Variants in SHCBP1L observed in about 807,000 individuals in gnomAD.
SHCBP1L encodes SHC binding and spindle associated 1 like.
Under a neutral mutation model 62.5 loss-of-function variants are expected in SHCBP1L, and 67 were observed. The observed-to-expected ratio is 1.07, with a 90% CI of 0.88 to 1.31. The LOEUF is 1.31. Ranked by LOEUF, SHCBP1L falls within the 40% of genes most tolerant of loss-of-function variation. The pLI is 0.00. For missense variants in SHCBP1L, 823 were observed against 809.8 expected, an observed-to-expected ratio of 1.02 and a Z score of -0.20; for synonymous variants, 284 against 289.4, an observed-to-expected ratio of 0.98 and a Z score of 0.19.
At chr1:182,934,973 G>T (rs1260050156) in intron 5 of SHCBP1L, among the ~76,000 whole-genome samples, 1 of 151,958 alleles carries the variant, frequency 6.6e-6, no homozygotes, top group African/African-American at 2.4e-5. Flanking sequence ...TCTATGTGTG[G>T]ATCTTATGGA....
intron 6 of SHCBP1L, among the ~76,000 whole-genome samples, chr1:182,913,289 G>T (rs1650247287): frequency 1.3e-5 from 2 of 152,202 alleles, no homozygotes; most frequent in South Asian, 4.1e-4. Flanking sequence ...CTAGACTTGT[G>T]ACTGGTGTCT....
rs1228003168 is a variant in SHCBP1L at position 182,924,790 on chromosome 1, G to GAA, written c.1182+4856_1182+4857insTT. The stretch of plus-strand genomic sequence containing the variant: ...AAAGAAAGAAAGAAAGAAAGAAAGA[G>GAA]AGAAAGAAAGGAAGGAAGGAAGGAG... On this transcript the variant is annotated intron_variant, in intron 6 of 9. Transcript: ENST00000367547. Among the ~76,000 whole-genome samples, 224 of 73,324 alleles carry GAA rather than the reference G, an allele frequency of 3.1e-3. 13 individuals carry two copies. The highest frequency in any genetic ancestry group is 0.02 in the Middle Eastern group (2 of 102). 48.1% of individuals were successfully genotyped at this position (73,324 alleles called of 152,430 possible). A position where few individuals can be genotyped will look rare whatever the true frequency, so the allele number is the denominator to read the frequency against.
At chr1:182,902,076 T>C (rs1649860638) in intron 9 of SHCBP1L, among the ~76,000 whole-genome samples, 1 of 149,286 alleles carries the variant, frequency 6.7e-6, no homozygotes, top group African/African-American at 2.5e-5. Context: ...TTTTTTTTTT[T>C]TTGAGACAGA....
intron 5 of SHCBP1L, among the ~76,000 whole-genome samples, chr1:182,937,371 G>A (rs1401626226): frequency 6.6e-6 from 1 of 152,132 alleles, no homozygotes; most frequent in East Asian, 1.9e-4. Flanking sequence ...TATTTTCATA[G>A]TTCCTTCTGA....
At chr1:182,913,007 C>T (rs1309766668) in intron 6 of SHCBP1L, among the ~76,000 whole-genome samples, 8 of 151,570 alleles carry the variant, frequency 5.3e-5, no homozygotes, top group South Asian at 2.1e-4. Context: ...TGGTGGTGTG[C>T]GCCTGTAATC....
chr1:182,902,005 T>G (rs1050018061), intron 9 of SHCBP1L, among the ~76,000 whole-genome samples: 1 of 152,146 alleles, frequency 6.6e-6, no homozygotes, highest in Admixed American at 6.5e-5. Context: ...AATCAAAGAT[T>G]TTAAAACTGC....
chr1:182,952,970 C>G lies in SHCBP1L; in HGVS notation c.164G>C (p.Arg55Pro), dbSNP rs1376832224. The G allele has an allele frequency of 1.3e-6, 2 of 1,543,894 alleles. No individual in the cohort carries two copies. The highest frequency in any genetic ancestry group is 1.4e-5 in the African/African-American group (1 of 72,994). The change falls in exon 1 of 10, where the codon CGC becomes CCC. Residue 55 changes from arginine (R) to proline (P), a missense_variant. Transcript: ENST00000367547. ...IPVRSVVASPRPVKGKAGRET... is the reference protein window; with the variant it reads ...IPVRSVVASPPPVKGKAGRET... ...CCGGCCCGCTTTCCCCTTCACCGGG[C>G]GAGGGGAGGCCACCACCGACCGCAC...
intron 2 of SHCBP1L, among the ~76,000 whole-genome samples, chr1:182,946,440 T>C (rs2101958651): frequency 6.6e-6 from 1 of 151,686 alleles, no homozygotes; most frequent in African/African-American, 2.4e-5. Flanking sequence ...CATACAAAAA[T>C]ATTTCAAATC....
At chr1:182,952,177 AAAAAAAAAAAAAAAATATATATATAT>A (rs1651773788) in intron 1 of SHCBP1L, among the ~76,000 whole-genome samples, 2 of 43,568 alleles carry the variant, frequency 4.6e-5, no homozygotes, top group East Asian at 7.2e-4. Context: ...AAAAAAAAAA[AAAAAAAAAAAAAAAATATATATATAT>A]ATATATATAT....
rs1218679584 is a variant in SHCBP1L at position 182,924,728 on chromosome 1, G to A, written c.1182+4919C>T. Among the ~76,000 whole-genome samples, 4 of 66,390 alleles carry A rather than the reference G, an allele frequency of 6.0e-5. 1 individual carries two copies. Among genetic ancestry groups the A allele is most frequent in the South Asian group, 1.2e-3 (2 of 1,604 alleles). The allele number at this position is 66,390 out of a possible 152,430, so 43.6% of individuals were successfully genotyped here. On this transcript the variant is annotated intron_variant, in intron 6 of 9. Coordinates refer to ENST00000367547, the MANE Select transcript of SHCBP1L (RefSeq NM_030933.4). Reference sequence around the variant, plus strand: ...AGAAAGAAAGAAAGAAAGAAAGAAAGAAAGAAAGAAAGAAAGAAAGAAAGA... The same window carrying A: ...AGAAAGAAAGAAAGAAAGAAAGAAAAAAAGAAAGAAAGAAAGAAAGAAAGA...
chr1:182,910,097 G>A (rs958485769), intron 6 of SHCBP1L, among the ~76,000 whole-genome samples: 1 of 152,192 alleles, frequency 6.6e-6, no homozygotes, highest in Non-Finnish European at 1.5e-5. Flanking sequence ...AGAGGTTAAA[G>A]ACACAAGGAA....
intron 1 of SHCBP1L, 181 bp downstream of exon 1, chr1:182,952,548 G>A: frequency 1.5e-6 from 1 of 679,600 alleles, no homozygotes; most frequent in Non-Finnish European, 2.3e-6. Context: ...CTCTAGGGCA[G>A]GACGCGGGCA....
intron 6 of SHCBP1L, among the ~76,000 whole-genome samples, chr1:182,908,645 C>T (rs867344018): frequency 2.0e-5 from 3 of 152,158 alleles, no homozygotes; most frequent in Admixed American, 6.5e-5. Flanking sequence ...ATTTCTCACT[C>T]TTATTTGGAT....
chr1:182,940,828 A>G (rs1651338399), intron 2 of SHCBP1L, among the ~76,000 whole-genome samples: 1 of 152,098 alleles, frequency 6.6e-6, no homozygotes, highest in African/African-American at 2.4e-5. Flanking sequence ...GATTTCATAA[A>G]ACAGTGTGTG....
chr1:182,907,409 G>A (rs1447605857), intron 6 of SHCBP1L, among the ~76,000 whole-genome samples: 32 of 146,600 alleles, frequency 2.2e-4, no homozygotes, highest in African/African-American at 4.5e-4. Context: ...CTCCAGCCTG[G>A]GCAACAAGAG....
intron 6 of SHCBP1L, among the ~76,000 whole-genome samples, chr1:182,924,823 AGGGGTGGGGG>A (rs1650661912): frequency 8.6e-6 from 1 of 116,342 alleles, no homozygotes; most frequent in African/African-American, 3.3e-5. Flanking sequence ...GAGGGAAGAG[AGGGGTGGGGG>A]AAGGAGGGAG....
At chr1:182,951,254 G>C in intron 2 of SHCBP1L, 64 bp downstream of exon 2, 1 of 1,266,334 alleles carries the variant, frequency 7.9e-7, no homozygotes, top group East Asian at 2.4e-5. Context: ...AAATAATAAA[G>C]TCATATTTTA....
chr1:182,941,140 A>G (rs1641555229), intron 2 of SHCBP1L, among the ~76,000 whole-genome samples: 1 of 151,992 alleles, frequency 6.6e-6, no homozygotes, highest in Non-Finnish European at 1.5e-5. Context: ...TAGCAAAATA[A>G]TAAAAATGAC....
chr1:182,935,874 T>TA (rs1328085373), intron 5 of SHCBP1L, among the ~76,000 whole-genome samples: 3 of 152,224 alleles, frequency 2.0e-5, no homozygotes, highest in Non-Finnish European at 4.4e-5. Context: ...TCCATCCCTT[T>TA]ACTTTGAACA....
Sources: gnomAD v4.1 joint callset for allele counts (sites outside exome capture counted in the v4.1 genomes callset) on GRCh38, gnomAD v4.1.1 for gene constraint, MANE v1.5 for transcripts, NCBI Gene and HGNC (gene_info 2026-07-23, HGNC 2026-07-21) for gene names.